The following ADCY8 variants were observed in gnomAD, a reference collection of about 807,000 sequenced individuals.
The protein encoded by ADCY8 is adenylate cyclase 8, also known as adenylate cyclase type 8.
Under a neutral mutation model 119.7 loss-of-function variants are expected in ADCY8, and 51 were observed. That is an observed-to-expected ratio of 0.43 (90% CI 0.34 to 0.54). The LOEUF (loss-of-function observed/expected upper bound fraction) is 0.54, where lower values mean the gene tolerates loss of function less well. Ranked by LOEUF, ADCY8 falls within the 20% of genes least tolerant of loss-of-function variation. The probability of loss-of-function intolerance (pLI) is 0.03; values close to 1 mark genes in which losing one functional copy is unlikely to be tolerated. For missense variants in ADCY8, 1,383 were observed against 1,598.8 expected (o/e 0.87, Z 2.30); for synonymous variants, 665 against 651.0 (o/e 1.02, Z -0.33).
chr8:130,813,605 T>C (rs935100342), intron 14 of ADCY8, among the ~76,000 whole-genome samples: 2 of 152,252 alleles, frequency 1.3e-5, no homozygotes, highest in African/African-American at 4.8e-5. Context: ...ACTTTATGTA[T>C]ATATCACATT....
chr8:130,883,824 G>A lies in ADCY8; in HGVS notation c.2109+740C>T, dbSNP rs140716013. Among the ~76,000 whole-genome samples the A allele has an allele frequency of 2.8e-3, 425 of 152,148 alleles. 3 individuals are homozygous for A. The highest frequency in any genetic ancestry group is 8.7e-3 in the African/African-American group (362 of 41,508). ...CAGTTCAAAGCTGAGGTGGGGGAGGGGAATGGAAAAAGTCATCATTAATGT... is the reference window on the plus strand; with the variant it reads ...CAGTTCAAAGCTGAGGTGGGGGAGGAGAATGGAAAAAGTCATCATTAATGT... On this transcript the variant is annotated intron_variant, in intron 8 of 17. Transcript: ENST00000286355.
At chr8:130,844,399 T>A (rs890195043) in intron 11 of ADCY8, among the ~76,000 whole-genome samples, 9 of 152,210 alleles carry the variant, frequency 5.9e-5, no homozygotes, top group African/African-American at 2.2e-4. Flanking sequence ...TTATACTTTA[T>A]ATCATACATT....
intron 9 of ADCY8, among the ~76,000 whole-genome samples, chr8:130,860,128 G>T (rs1817878675): frequency 6.6e-6 from 1 of 152,088 alleles, no homozygotes; most frequent in South Asian, 2.1e-4. Flanking sequence ...GTAGGTCATT[G>T]TTTTAATTTA....
chr8:130,964,873 G>T (rs541854218), intron 2 of ADCY8, among the ~76,000 whole-genome samples: 2 of 152,088 alleles, frequency 1.3e-5, no homozygotes, highest in African/African-American at 2.4e-5. Context: ...ATTCTTACTC[G>T]TGTGAGATAG....
At chr8:130,833,560 C>A (rs1426596602) in intron 12 of ADCY8, among the ~76,000 whole-genome samples, 2 of 152,148 alleles carry the variant, frequency 1.3e-5, no homozygotes, top group African/African-American at 4.8e-5. Context: ...CCACTTGCTA[C>A]CACATGGATG....
intron 1 of ADCY8, among the ~76,000 whole-genome samples, chr8:131,009,578 C>T (rs997404067): frequency 1.3e-5 from 2 of 152,142 alleles, no homozygotes; most frequent in East Asian, 3.9e-4. Context: ...AACTGTGAGC[C>T]AATTAAACCT....
chr8:130,871,284 G>A (rs976978298), intron 8 of ADCY8, among the ~76,000 whole-genome samples: 1 of 152,158 alleles, frequency 6.6e-6, no homozygotes, highest in African/African-American at 2.4e-5. Flanking sequence ...TCTCATCTCT[G>A]TTCTGTCCTC....
intron 1 of ADCY8, among the ~76,000 whole-genome samples, chr8:131,005,711 C>A (rs190428186): frequency 1.1e-4 from 16 of 152,276 alleles, no homozygotes; most frequent in African/African-American, 3.6e-4. Context: ...TCCTGCTGTG[C>A]TGGAGTTTGT....
chr8:130,842,623 A>G (rs1221732947), intron 11 of ADCY8, among the ~76,000 whole-genome samples: 3 of 152,132 alleles, frequency 2.0e-5, no homozygotes, highest in Admixed American at 1.3e-4. Context: ...CTATAATCCC[A>G]ACACTTTGGG....
chr8:130,871,763 G>A lies in ADCY8; in HGVS notation c.2110-3817C>T, dbSNP rs527472705. ...TCTTCTAAAGAAATTATGACCTCCT[G>A]TGTGTTTTTTAACTTGGAAGAAGAC... On this transcript the variant is annotated intron_variant, in intron 8 of 17. Coordinates refer to ENST00000286355, the MANE Select transcript of ADCY8 (RefSeq NM_001115.3). 5.9e-4 allele frequency among the ~76,000 whole-genome samples: 90 copies of A among 152,208 alleles called. 1 individual carries two copies. The highest frequency in any genetic ancestry group is 3.4e-3 in the Middle Eastern group (1 of 292).
chr8:130,929,502 TTA>T (rs1820570151), intron 5 of ADCY8, among the ~76,000 whole-genome samples: 1 of 152,216 alleles, frequency 6.6e-6, no homozygotes, highest in Non-Finnish European at 1.5e-5. Flanking sequence ...AAAATATACT[TTA>T]TATGATTTGA....
intron 2 of ADCY8, among the ~76,000 whole-genome samples, chr8:130,988,938 A>T (rs1822488985): frequency 6.6e-6 from 1 of 152,238 alleles, no homozygotes; most frequent in African/African-American, 2.4e-5. Context: ...CATTAAGAAC[A>T]GTTGAATAAA....
intron 1 of ADCY8, among the ~76,000 whole-genome samples, chr8:131,019,226 T>C (rs1326992010): frequency 6.6e-6 from 1 of 152,244 alleles, no homozygotes; most frequent in Non-Finnish European, 1.5e-5. Flanking sequence ...AAATGTTTTC[T>C]ACAAGTAGAG....
At position 130,844,943 on chromosome 8, in the gene ADCY8, C is replaced by T. The variant is rs575957863; in HGVS notation, c.2502+2481G>A. Among the ~76,000 whole-genome samples, 10 of 152,224 alleles carry T rather than the reference C, an allele frequency of 6.6e-5. No homozygotes were observed. The East Asian group carries it at 1.2e-3, about 18-fold the overall frequency. ...GGTTCGGGTATGTACAGGTGTTTGA[C>T]GATAACATACATTGGCATTACATGC... On this transcript the variant is annotated intron_variant, in intron 11 of 17. Transcript: ENST00000286355.
At chr8:130,966,895 T>A (rs1465365328) in intron 2 of ADCY8, among the ~76,000 whole-genome samples, 4 of 152,244 alleles carry the variant, frequency 2.6e-5, no homozygotes, top group Non-Finnish European at 4.4e-5. Context: ...TTAAATTTAC[T>A]GGCAAGCCTG....
intron 2 of ADCY8, among the ~76,000 whole-genome samples, chr8:130,956,635 C>T (rs796468176): frequency 3.0e-4 from 46 of 152,254 alleles, no homozygotes; most frequent in African/African-American, 1.1e-3. Flanking sequence ...CAGAATAATG[C>T]CTTGTGGTAT....
At chr8:130,838,282 G>A (rs1369224046) in intron 11 of ADCY8, among the ~76,000 whole-genome samples, 2 of 152,206 alleles carry the variant, frequency 1.3e-5, no homozygotes, top group Admixed American at 1.3e-4. Context: ...TTGCCATTAG[G>A]AGCCTAGTGT....
intron 1 of ADCY8, among the ~76,000 whole-genome samples, chr8:131,034,272 T>C (rs984684113): frequency 6.6e-5 from 10 of 152,172 alleles, no homozygotes; most frequent in African/African-American, 2.2e-4. Context: ...TAATATCTTA[T>C]GTTTAAACTG....
At chr8:130,916,377 C>T (rs1370761171) in intron 5 of ADCY8, among the ~76,000 whole-genome samples, 1 of 152,166 alleles carries the variant, frequency 6.6e-6, no homozygotes, top group Non-Finnish European at 1.5e-5. Context: ...TTGTGGTGGC[C>T]ATGAAGCCCA....
Sources: gnomAD v4.1 joint callset for allele counts (sites outside exome capture counted in the v4.1 genomes callset) on GRCh38, gnomAD v4.1.1 for gene constraint, MANE v1.5 for transcripts, NCBI Gene and HGNC (gene_info 2026-07-23, HGNC 2026-07-21) for gene names.